ANKRD17: variants seen among roughly 807,000 people sequenced by gnomAD.
ANKRD17 encodes the protein ankyrin repeat domain 17.
ANKRD17 carries 19 observed loss-of-function variants against 229.7 expected under a neutral mutation model. The observed-to-expected ratio is 0.08, with a 90% CI of 0.06 to 0.12. The LOEUF (loss-of-function observed/expected upper bound fraction) is 0.12, where lower values mean the gene tolerates loss of function less well. ANKRD17 is among the 10% of genes least tolerant of loss of function. ANKRD17 has a pLI of 1.00. For missense variants in ANKRD17, 2,176 were observed against 3,176.8 expected (o/e 0.68, Z 7.57); for synonymous variants, 1,112 against 1,146.1 (o/e 0.97, Z 0.60).
At chr4:73,170,784 C>T (rs1733886651) in intron 2 of ANKRD17, among the ~76,000 whole-genome samples, 1 of 152,100 alleles carries the variant, frequency 6.6e-6, no homozygotes, top group Non-Finnish European at 1.5e-5. Flanking sequence ...GCTGAGACTC[C>T]TTACCTGTGG....
chr4:73,113,172 T>C lies in ANKRD17; in HGVS notation c.4401+620A>G, dbSNP rs191869668. 1.9e-5 allele frequency: 24 copies of C among 1,273,520 alleles called. No homozygotes were observed. The East Asian group carries it at 7.8e-4, about 42-fold the overall frequency. The allele number at this position is 1,273,520 out of a possible 1,614,324, so 78.9% of individuals were successfully genotyped here. A position where few individuals can be genotyped will look rare whatever the true frequency, so the allele number is the denominator to read the frequency against. ...TTATTTTCCTATGATTACTATTCAG[T>C]TAAGTTCTAGAGTACAGAATTATAG... On this transcript the variant is annotated intron_variant, in intron 24 of 33. Coordinates refer to ENST00000358602, the MANE Select transcript of ANKRD17 (RefSeq NM_032217.5).
At chr4:73,089,891 T>C (rs1722617312) in intron 29 of ANKRD17, among the ~76,000 whole-genome samples, 2 of 152,164 alleles carry the variant, frequency 1.3e-5, no homozygotes. Flanking sequence ...GAAGCTAATT[T>C]TTTTATTTTT....
chr4:73,236,860 T>C (rs1001285279), intron 1 of ANKRD17, among the ~76,000 whole-genome samples: 5 of 152,204 alleles, frequency 3.3e-5, no homozygotes, highest in African/African-American at 7.2e-5. Context: ...GGTTAAGTAG[T>C]AACTGTCCCC....
At chr4:73,217,344 T>C (rs1289936716) in intron 1 of ANKRD17, among the ~76,000 whole-genome samples, 1 of 152,174 alleles carries the variant, frequency 6.6e-6, no homozygotes, top group African/African-American at 2.4e-5. Flanking sequence ...TATCTTATAC[T>C]ACTTCCCCAT....
In ANKRD17 at chr4:73,076,174, C is replaced by A. The variant is rs1220985342; in HGVS notation, c.*57G>T. On this transcript the variant is annotated 3_prime_UTR_variant, in exon 34 of 34. Coordinates refer to ENST00000358602, the MANE Select transcript of ANKRD17 (RefSeq NM_032217.5). Reference sequence around the variant, plus strand: ...TTGGGAGCATAATTTTTTTTTTCGGCCACTTGTGATTTCCTCCAAATGAAA... The same window carrying A: ...TTGGGAGCATAATTTTTTTTTTCGGACACTTGTGATTTCCTCCAAATGAAA... 1.3e-6 allele frequency: 2 copies of A among 1,519,904 alleles called. No individual in the cohort carries two copies. Among genetic ancestry groups the A allele is most frequent in the East Asian group, 2.3e-5 (1 of 43,314 alleles). 94.2% of individuals were successfully genotyped at this position (1,519,904 alleles called of 1,614,324 possible).
chr4:73,183,605 C>A (rs1330646743), intron 1 of ANKRD17, among the ~76,000 whole-genome samples: 1 of 151,986 alleles, frequency 6.6e-6, no homozygotes, highest in African/African-American at 2.4e-5. Flanking sequence ...TCCGGAGTAG[C>A]TGGAAATACA....
chr4:73,230,101 G>A (rs532321021), intron 1 of ANKRD17, among the ~76,000 whole-genome samples: 6 of 152,148 alleles, frequency 3.9e-5, no homozygotes, highest in African/African-American at 1.4e-4. Context: ...AAATAAGAAT[G>A]ATTAAGCCTT....
intron 22 of ANKRD17, 56 bp downstream of exon 22, chr4:73,118,632 T>A (rs1726295145): frequency 1.3e-6 from 2 of 1,589,902 alleles, no homozygotes; most frequent in African/African-American, 1.3e-5. Flanking sequence ...CTAAGCCATG[T>A]ACTTCCTAGT....
intron 2 of ANKRD17, among the ~76,000 whole-genome samples, chr4:73,171,991 G>T (rs1466906775): frequency 2.0e-5 from 3 of 152,120 alleles, no homozygotes; most frequent in Admixed American, 1.3e-4. Context: ...AGTGATAGGG[G>T]TAGAAAGTTT....
Position 73,149,717 on chromosome 4 carries a change from A to G in ANKRD17, c.1330-667T>C, listed in dbSNP as rs575982165. ...TCCCATTTCTACAAAAAATACAAAA[A>G]TTAGCCAGGCGTGGTGGTGTGCACT... On this transcript the variant is annotated intron_variant, in intron 7 of 33. Transcript: ENST00000358602. Among the ~76,000 whole-genome samples, 4 of 152,064 alleles carry G rather than the reference A, an allele frequency of 2.6e-5. No homozygotes were observed. The South Asian group carries it at 8.3e-4, about 32-fold the overall frequency.
intron 29 of ANKRD17, among the ~76,000 whole-genome samples, chr4:73,089,362 T>A (rs1048568042): frequency 6.6e-6 from 1 of 151,536 alleles, no homozygotes; most frequent in Non-Finnish European, 1.5e-5. Context: ...AATTTTTTTT[T>A]AAACATTTAA....
At chr4:73,245,075 C>T (rs1429445532) in intron 1 of ANKRD17, among the ~76,000 whole-genome samples, 1 of 152,220 alleles carries the variant, frequency 6.6e-6, no homozygotes, top group African/African-American at 2.4e-5. Context: ...CTACAAGAGT[C>T]CAGTAATTTG....
chr4:73,190,564 CAAAAA>C (rs905807992), intron 1 of ANKRD17, among the ~76,000 whole-genome samples: 4 of 121,842 alleles, frequency 3.3e-5, no homozygotes, highest in Non-Finnish European at 7.1e-5. Flanking sequence ...AAAAACAAAA[CAAAAA>C]AAAAACAAAA....
chr4:73,115,630 G>A (rs1725853513), intron 23 of ANKRD17, among the ~76,000 whole-genome samples, 191 bp downstream of exon 23: 2 of 151,980 alleles, frequency 1.3e-5, no homozygotes, highest in South Asian at 2.1e-4. Flanking sequence ...CTATAGCAGA[G>A]GATGTTTTAT....
At chr4:73,149,490 G>A (rs910050245) in intron 7 of ANKRD17, among the ~76,000 whole-genome samples, 2 of 152,090 alleles carry the variant, frequency 1.3e-5, no homozygotes, top group Admixed American at 6.5e-5. Flanking sequence ...TTGGAGAAGT[G>A]GGGGAAGGAT....
intron 16 of ANKRD17, among the ~76,000 whole-genome samples, chr4:73,134,203 C>G (rs1447656935): frequency 6.6e-6 from 1 of 152,102 alleles, no homozygotes; most frequent in Non-Finnish European, 1.5e-5. Context: ...AGTACATGCC[C>G]TTAATGGTCC....
intron 1 of ANKRD17, among the ~76,000 whole-genome samples, chr4:73,243,290 G>T (rs1264183310): frequency 6.6e-6 from 1 of 152,200 alleles, no homozygotes; most frequent in Non-Finnish European, 1.5e-5. Context: ...TTAGCCTAAT[G>T]CTACGTGAAG....
At chr4:73,133,291 G>C (rs931459143) in intron 16 of ANKRD17, among the ~76,000 whole-genome samples, 1 of 151,210 alleles carries the variant, frequency 6.6e-6, no homozygotes, top group Non-Finnish European at 1.5e-5. Flanking sequence ...AAAAGACTGG[G>C]GAAAAATAAT....
chr4:73,159,338 C>A (rs1452004705), intron 3 of ANKRD17, among the ~76,000 whole-genome samples: 1 of 152,132 alleles, frequency 6.6e-6, no homozygotes, highest in Non-Finnish European at 1.5e-5. Context: ...TATGCATATA[C>A]CCTAATTTAC....
Sources: allele counts gnomAD v4.1 joint callset (sites outside exome capture counted in the v4.1 genomes callset), GRCh38; gene constraint gnomAD v4.1.1; transcripts MANE v1.5; gene names NCBI Gene and HGNC (gene_info 2026-07-23, HGNC 2026-07-21).